The following YES1 variants were observed in gnomAD, a reference collection of about 807,000 sequenced individuals.
YES1 encodes the protein YES proto-oncogene 1, Src family tyrosine kinase.
A neutral mutation model predicts 70.4 loss-of-function variants in YES1; 39 were observed. That is an observed-to-expected ratio of 0.55 (90% CI 0.43 to 0.72). The LOEUF is 0.72. Ranked by LOEUF, YES1 falls within the 30% of genes least tolerant of loss-of-function variation. The probability of loss-of-function intolerance (pLI) is 0.00; values close to 1 mark genes in which losing one functional copy is unlikely to be tolerated. For synonymous variants in YES1, 198 were observed against 218.6 expected, an observed-to-expected ratio of 0.91 and a Z score of 0.83; for missense variants, 495 against 644.8, an observed-to-expected ratio of 0.77 and a Z score of 2.52.
At chr18:748,082 G>T in intron 3 of YES1, 64 bp from the exon 4 acceptor site, 1 of 1,314,528 alleles carries the variant, frequency 7.6e-7, no homozygotes, top group South Asian at 1.2e-5. Flanking sequence ...ATATATTGCA[G>T]TGCTATCTTG....
rs191948874 is a variant in YES1 at position 803,148 on chromosome 18, T to C, written c.-9+8966A>G. Among the ~76,000 whole-genome samples the C allele has an allele frequency of 4.1e-3, 620 of 152,294 alleles. 3 individuals are homozygous for C. Among genetic ancestry groups the C allele is most frequent in the Non-Finnish European group, 3.9e-3 (265 of 68,018 alleles). ...CTACTCAGAGACCAAGGTGGGAGGA[T>C]CACTTGAACCTGGGAGGCAGAAGTT... On this transcript the variant is annotated intron_variant, in intron 1 of 11. Transcript: ENST00000314574.
intron 1 of YES1, among the ~76,000 whole-genome samples, chr18:799,635 G>A (rs928205803): frequency 3.9e-5 from 6 of 152,192 alleles, no homozygotes; most frequent in Non-Finnish European, 7.3e-5. Context: ...CCTGGGAGGT[G>A]GAGGTAGCAG....
intron 1 of YES1, among the ~76,000 whole-genome samples, chr18:785,170 C>A (rs546095528): frequency 9.4e-5 from 14 of 149,136 alleles, no homozygotes; most frequent in Admixed American, 4.0e-4. Context: ...TTTTTTTAAC[C>A]TCATCAGCTA....
At chr18:744,736 G>T (rs1433713545) in intron 6 of YES1, among the ~76,000 whole-genome samples, 1 of 102,002 alleles carries the variant, frequency 9.8e-6, no homozygotes, top group Admixed American at 1.5e-4. Context: ...GTCTTGCTAT[G>T]TTGCCCAGGC....
chr18:808,823 A>G (rs1907227656), intron 1 of YES1, among the ~76,000 whole-genome samples: 1 of 152,174 alleles, frequency 6.6e-6, no homozygotes, highest in South Asian at 2.1e-4. Context: ...AAACTCCAAC[A>G]CCATATTGTC....
chr18:776,299 T>C (rs1905381207), intron 1 of YES1, among the ~76,000 whole-genome samples: 1 of 152,090 alleles, frequency 6.6e-6, no homozygotes, highest in South Asian at 2.1e-4. Flanking sequence ...GTTCAAGTGA[T>C]TCTCGTGCCT....
rs1250483880 is a variant in YES1, at chr18:745,888, C to G, written c.575-31G>C. 3 of 1,606,912 alleles carry G rather than the reference C, an allele frequency of 1.9e-6. No homozygotes were observed. The South Asian group carries it at 3.4e-5, about 18-fold the overall frequency. Reference sequence around the variant, plus strand: ...TGAAAAATAAATACTTTCACTATATCTTTCTCAAAATACTGCCCCAAGAAA... The same window carrying G: ...TGAAAAATAAATACTTTCACTATATGTTTCTCAAAATACTGCCCCAAGAAA... On this transcript the variant is annotated intron_variant, in intron 5 of 11. Transcript: ENST00000314574.
intron 11 of YES1, among the ~76,000 whole-genome samples, chr18:727,086 G>A (rs943396688): frequency 1.1e-4 from 17 of 151,954 alleles, no homozygotes; most frequent in Admixed American, 9.2e-4. Flanking sequence ...TCTACAAATC[G>A]TTTATATTCT....
At chr18:757,502 CAAA>C (rs747227284) in intron 1 of YES1, among the ~76,000 whole-genome samples, 4 of 91,194 alleles carry the variant, frequency 4.4e-5, no homozygotes, top group Admixed American at 1.2e-4. Flanking sequence ...GACTCCGTCT[CAAA>C]AAAAAAAAAA....
At chr18:763,036 T>C (rs886652277) in intron 1 of YES1, among the ~76,000 whole-genome samples, 1 of 152,148 alleles carries the variant, frequency 6.6e-6, no homozygotes, top group African/African-American at 2.4e-5. Flanking sequence ...AGTTGGAGAC[T>C]TGGGGGAAAG....
chr18:739,973 G>A (rs1196783425), intron 8 of YES1, among the ~76,000 whole-genome samples, 162 bp from the exon 9 acceptor site: 4 of 152,026 alleles, frequency 2.6e-5, no homozygotes, highest in African/African-American at 9.7e-5. Context: ...CTAGGTCCTA[G>A]AAGAGGTCTC....
chr18:727,897 G>A (rs2080040668), intron 11 of YES1, among the ~76,000 whole-genome samples: 1 of 152,096 alleles, frequency 6.6e-6, no homozygotes, highest in East Asian at 1.9e-4. Flanking sequence ...TGTTGTTCCT[G>A]CGTAGATAAT....
intron 1 of YES1, among the ~76,000 whole-genome samples, chr18:765,283 T>TATAC (rs1904841209): frequency 7.8e-6 from 1 of 127,456 alleles, no homozygotes; most frequent in Non-Finnish European, 1.7e-5. Context: ...TATATATATA[T>TATAC]ATATATATAT....
intron 8 of YES1, among the ~76,000 whole-genome samples, chr18:741,499 T>G (rs554022108): frequency 7.2e-5 from 11 of 152,264 alleles, no homozygotes; most frequent in African/African-American, 2.6e-4. Context: ...TCATCTAATA[T>G]ACTCTTTGAA....
chr18:801,817 T>G (rs1193400949), intron 1 of YES1, among the ~76,000 whole-genome samples: 1 of 152,212 alleles, frequency 6.6e-6, no homozygotes, highest in African/African-American at 2.4e-5. Flanking sequence ...GCATGTTTCT[T>G]TATTCTTTTG....
rs560801333 is a variant in YES1, at chr18:780,016, C to T, written c.-8-23181G>A. 2.6e-5 allele frequency among the ~76,000 whole-genome samples: 4 copies of T among 151,740 alleles called. No individual in the cohort carries two copies. The East Asian group carries it at 7.8e-4, about 30-fold the overall frequency. ...TGGGAGGCTGAGGAGGGTAGATTAC[C>T]TGAGGTCAGGAGTTCGAAACCAGCC... On this transcript the variant is annotated intron_variant, in intron 1 of 11. Transcript: ENST00000314574.
intron 1 of YES1, among the ~76,000 whole-genome samples, chr18:784,018 CA>C (rs1905812057): frequency 6.6e-6 from 1 of 152,142 alleles, no homozygotes; most frequent in Non-Finnish European, 1.5e-5. Context: ...TTAAGCAAAA[CA>C]GGCATAATAC....
At chr18:771,336 C>T (rs939202610) in intron 1 of YES1, among the ~76,000 whole-genome samples, 1 of 151,342 alleles carries the variant, frequency 6.6e-6, no homozygotes, top group Non-Finnish European at 1.5e-5. Flanking sequence ...CACTACACTA[C>T]AGCCTGGGGA....
Position 725,215 on chromosome 18 carries a change from C to A in YES1, c.1424-583G>T, listed in dbSNP as rs187092938. Among the ~76,000 whole-genome samples, 1,496 of 152,030 alleles carry A rather than the reference C, an allele frequency of 9.8e-3. 17 individuals carry two copies. Among genetic ancestry groups the A allele is most frequent in the Middle Eastern group, 0.014 (4 of 294 alleles). On this transcript the variant is annotated intron_variant, in intron 11 of 11. Transcript: ENST00000314574. Reference sequence around the variant, plus strand: ...CCCCCTGATCAGCAGTTCACCCCATCTTATCACAGGACAGCAAAATGCCTC... The same window carrying A: ...CCCCCTGATCAGCAGTTCACCCCATATTATCACAGGACAGCAAAATGCCTC...
Sources: allele counts gnomAD v4.1 joint callset (sites outside exome capture counted in the v4.1 genomes callset), GRCh38; gene constraint gnomAD v4.1.1; transcripts MANE v1.5; gene names NCBI Gene and HGNC (gene_info 2026-07-23, HGNC 2026-07-21).